Variants in WDR49 observed in about 807,000 individuals in gnomAD.
WDR49 encodes WD repeat domain 49.
WDR49 carries 107 observed loss-of-function variants against 119.5 expected under a neutral mutation model. That is an observed-to-expected ratio of 0.90 (90% CI 0.77 to 1.05). The LOEUF is 1.05. Among genes scored for constraint, WDR49 ranks in the 50% least tolerant of loss-of-function variants. WDR49 has a pLI of 0.00. For synonymous variants in WDR49, 425 were observed against 418.8 expected, an observed-to-expected ratio of 1.01 and a Z score of -0.18; for missense variants, 1,240 against 1,220.5, an observed-to-expected ratio of 1.02 and a Z score of -0.24.
At chr3:167,593,880 T>A (rs1715268880) in intron 7 of WDR49, among the ~76,000 whole-genome samples, 1 of 152,196 alleles carries the variant, frequency 6.6e-6, no homozygotes, top group Non-Finnish European at 1.5e-5. Flanking sequence ...AGTGAGGGAA[T>A]TGTCACAAGA....
chr3:167,588,566 C>T (rs1472488552), intron 7 of WDR49, among the ~76,000 whole-genome samples: 1 of 152,090 alleles, frequency 6.6e-6, no homozygotes, highest in Non-Finnish European at 1.5e-5. Context: ...TGAGAATACC[C>T]TTTTATCCAC....
chr3:167,599,095 C>T (rs1245876740), intron 7 of WDR49, among the ~76,000 whole-genome samples: 1 of 152,138 alleles, frequency 6.6e-6, no homozygotes, highest in African/African-American at 2.4e-5. Flanking sequence ...TGGCTACCAC[C>T]TATGTTTTCC....
Position 167,630,859 on chromosome 3 carries a change from T to C in WDR49, c.166-3567A>G, listed in dbSNP as rs191416017. Among the ~76,000 whole-genome samples the C allele has an allele frequency of 1.1e-4, 16 of 152,202 alleles. No homozygotes were observed. The East Asian group carries it at 3.1e-3, about 29-fold the overall frequency. ...TTAATATATTGTTAATTAATCACAA[T>C]TAAATTCATAGTCAACAGCATCACA... On this transcript the variant is annotated intron_variant, in intron 2 of 18. Coordinates refer to ENST00000682715, the MANE Select transcript of WDR49 (RefSeq NM_001366157.1).
At chr3:167,567,406 A>G (rs145062503) in intron 8 of WDR49, among the ~76,000 whole-genome samples, 195 of 152,194 alleles carry the variant, frequency 1.3e-3, no homozygotes, top group Non-Finnish European at 2.1e-3. Context: ...CTTTTTTGCC[A>G]TGTTCACAGT....
In WDR49 at chr3:167,598,934, T is replaced by C. The variant is rs116600269; in HGVS notation, c.1275+3193A>G. ...CTCACCTTACTTTCTACCAAACAAA[T>C]AGAGTCTCTCTGTCTCTATTCTGAA... On this transcript the variant is annotated intron_variant, in intron 7 of 18. Transcript: ENST00000682715. Among the ~76,000 whole-genome samples, 777 of 152,292 alleles carry C rather than the reference T, an allele frequency of 5.1e-3. 10 individuals are homozygous for C. The highest frequency in any genetic ancestry group is 0.018 in the African/African-American group (753 of 41,566).
At chr3:167,493,680 G>A (rs2108201871) in intron 18 of WDR49, among the ~76,000 whole-genome samples, 1 of 152,230 alleles carries the variant, frequency 6.6e-6, no homozygotes, top group East Asian at 1.9e-4. Flanking sequence ...TAATACGCAT[G>A]TATCAAATAT....
rs1752848730 is a variant in WDR49 at position 167,531,363 on chromosome 3, T to C, written c.2054-84A>G. On this transcript the variant is annotated intron_variant, in intron 12 of 18. Transcript: ENST00000682715. ...ATGCCTATGAAATAGCAGGCCCACA[T>C]CTATCACTATATCCATTGACTCCAA... 3 of 1,431,338 alleles carry C rather than the reference T, an allele frequency of 2.1e-6. No individual in the cohort carries two copies. In the Admixed American group the frequency reaches 5.9e-5, roughly 28 times the overall value. 88.7% of individuals were successfully genotyped at this position (1,431,338 alleles called of 1,614,324 possible).
upstream of WDR49, among the ~76,000 whole-genome samples, chr3:167,656,987 C>T (rs1444297120): frequency 6.6e-6 from 1 of 152,140 alleles, no homozygotes; most frequent in Non-Finnish European, 1.5e-5. Context: ...ATCCATTGGC[C>T]TTTGACACTT....
At chr3:167,544,339 A>T (rs1477880188) in intron 10 of WDR49, among the ~76,000 whole-genome samples, 1 of 152,122 alleles carries the variant, frequency 6.6e-6, no homozygotes, top group African/African-American at 2.4e-5. Context: ...TGAACCTAAA[A>T]AGAGCCCACA....
At chr3:167,517,484 C>T (rs1752259059) in intron 16 of WDR49, among the ~76,000 whole-genome samples, 1 of 152,116 alleles carries the variant, frequency 6.6e-6, no homozygotes, top group African/African-American at 2.4e-5. Context: ...GAAATTGAAA[C>T]CGGTCTCCTT....
chr3:167,521,940 G>T (rs753410041), intron 16 of WDR49, among the ~76,000 whole-genome samples: 13 of 151,088 alleles, frequency 8.6e-5, no homozygotes, highest in Admixed American at 2.7e-4. Flanking sequence ...TCAAAACCAG[G>T]AGTAAAATCT....
intron 5 of WDR49, among the ~76,000 whole-genome samples, chr3:167,608,553 T>A (rs1716174362): frequency 6.6e-6 from 1 of 152,214 alleles, no homozygotes; most frequent in African/African-American, 2.4e-5. Context: ...AACCAAGATA[T>A]AACTTGTTTC....
chr3:167,606,047 A>C (rs1439630626), intron 5 of WDR49, among the ~76,000 whole-genome samples: 3 of 152,204 alleles, frequency 2.0e-5, no homozygotes, highest in Non-Finnish European at 4.4e-5. Context: ...GTGAAAATGC[A>C]GATTCTCATT....
intron 18 of WDR49, among the ~76,000 whole-genome samples, chr3:167,481,369 T>A: frequency 6.6e-6 from 1 of 150,386 alleles, no homozygotes; most frequent in African/African-American, 2.5e-5. Context: ...CAAGAGGAAG[T>A]GATGAAATAT....
intron 12 of WDR49, among the ~76,000 whole-genome samples, chr3:167,532,556 G>A (rs189245890): frequency 5.3e-5 from 8 of 151,970 alleles, no homozygotes; most frequent in Admixed American, 4.6e-4. Flanking sequence ...GGTATCTAAC[G>A]TTCACTCTTA....
chr3:167,613,266 C>T (rs1277946691), intron 5 of WDR49, among the ~76,000 whole-genome samples: 1 of 152,134 alleles, frequency 6.6e-6, no homozygotes. Flanking sequence ...TTCAGCACTG[C>T]TAAGCATATT....
chr3:167,555,685 T>C (rs1320957465), intron 9 of WDR49, among the ~76,000 whole-genome samples: 5 of 152,196 alleles, frequency 3.3e-5, no homozygotes, highest in African/African-American at 1.2e-4. Flanking sequence ...TACCACAGAA[T>C]TGGTGTGTGG....
intron 7 of WDR49, among the ~76,000 whole-genome samples, chr3:167,585,378 T>C (rs1714752622): frequency 6.8e-6 from 1 of 146,560 alleles, no homozygotes; most frequent in Admixed American, 6.8e-5. Context: ...ACCTAAGAGG[T>C]CTTAAAAGGG....
intron 2 of WDR49, among the ~76,000 whole-genome samples, chr3:167,630,214 C>T (rs1717310100): frequency 2.0e-5 from 3 of 152,074 alleles, no homozygotes; most frequent in Admixed American, 1.3e-4. Context: ...GCAACCACCA[C>T]CCTGATCAGT....
Sources: allele counts gnomAD v4.1 joint callset (sites outside exome capture counted in the v4.1 genomes callset), GRCh38; gene constraint gnomAD v4.1.1; transcripts MANE v1.5; gene names NCBI Gene and HGNC (gene_info 2026-07-23, HGNC 2026-07-21).